R3HDM2: variants seen among roughly 807,000 people sequenced by gnomAD.
The protein encoded by R3HDM2 is R3H domain containing 2.
A neutral mutation model predicts 124.5 loss-of-function variants in R3HDM2; 38 were observed. That is an observed-to-expected ratio of 0.31 (90% CI 0.24 to 0.40). R3HDM2 has a LOEUF of 0.40. Ranked by LOEUF, R3HDM2 falls within the 10% of genes least tolerant of loss-of-function variation. The probability of loss-of-function intolerance (pLI) is 1.00; values close to 1 mark genes in which losing one functional copy is unlikely to be tolerated. For synonymous variants in R3HDM2, 391 were observed against 448.0 expected (o/e 0.87, Z 1.61); for missense variants, 869 against 1,236.9 (o/e 0.70, Z 4.46).
chr12:57,395,196 C>A (rs1410253157), intron 2 of R3HDM2, among the ~76,000 whole-genome samples: 4 of 150,578 alleles, frequency 2.7e-5, no homozygotes, highest in African/African-American at 9.8e-5. Flanking sequence ...GGGCAAGACT[C>A]CGTTTCAAAA....
At chr12:57,428,502 T>TGGTGGGGGGC (rs1868560786) in intron 1 of R3HDM2, among the ~76,000 whole-genome samples, 4 of 33,746 alleles carry the variant, frequency 1.2e-4, no homozygotes, top group Admixed American at 7.7e-4. Flanking sequence ...TGGTGGGGGG[T>TGGTGGGGGGC]GTGGTGGGGG....
intron 14 of R3HDM2, among the ~76,000 whole-genome samples, chr12:57,273,792 G>T (rs529862867): frequency 2.6e-5 from 4 of 152,244 alleles, no homozygotes; most frequent in African/African-American, 9.6e-5. Context: ...TGGGGCCATG[G>T]TATCAATATC....
chr12:57,270,025 G>A (rs1270832285), intron 14 of R3HDM2, 31 bp from the exon 15 acceptor site: 1 of 1,611,574 alleles, frequency 6.2e-7, no homozygotes, highest in Non-Finnish European at 8.5e-7. Flanking sequence ...ACAGGATTGG[G>A]GCTGTATCAA....
intron 12 of R3HDM2, among the ~76,000 whole-genome samples, chr12:57,284,438 T>C (rs1565963113): frequency 6.6e-6 from 1 of 152,176 alleles, no homozygotes; most frequent in Non-Finnish European, 1.5e-5. Context: ...CTTCTGAAAG[T>C]TCTTAAAATA....
chr12:57,256,093 G>A lies in R3HDM2; in HGVS notation c.2548-19C>T, dbSNP rs116809825. 9.0e-4 allele frequency: 1,443 copies of A among 1,601,160 alleles called. 8 individuals are homozygous for A. The African/African-American group carries it at 0.017, about 19-fold the overall frequency. The stretch of plus-strand genomic sequence containing the variant: ...TCTGTCCCTTCAACATTTGAAAGAC[G>A]ACTCTCATCCCATGTAAACAACATT... On this transcript the variant is annotated intron_variant, in intron 22 of 23. Coordinates refer to ENST00000402412, the MANE Select transcript of R3HDM2 (RefSeq NM_001394031.1).
At chr12:57,425,406 C>T (rs958930096) in intron 1 of R3HDM2, among the ~76,000 whole-genome samples, 4 of 152,204 alleles carry the variant, frequency 2.6e-5, no homozygotes, top group Admixed American at 2.6e-4. Context: ...CTTGCACCTC[C>T]CATTAACTGT....
At chr12:57,293,643 G>C (rs748705876) in intron 10 of R3HDM2, among the ~76,000 whole-genome samples, 4 of 152,120 alleles carry the variant, frequency 2.6e-5, no homozygotes, top group Non-Finnish European at 4.4e-5. Context: ...TGAAGGCAAG[G>C]AGTTCTAAGG....
At chr12:57,370,216 A>C (rs1424617256) in intron 2 of R3HDM2, among the ~76,000 whole-genome samples, 1 of 152,082 alleles carries the variant, frequency 6.6e-6, no homozygotes, top group Admixed American at 6.5e-5. Context: ...TGATGGTTTT[A>C]ATACATAAGC....
At chr12:57,275,419 C>T (rs2137654012) in intron 14 of R3HDM2, among the ~76,000 whole-genome samples, 1 of 150,716 alleles carries the variant, frequency 6.6e-6, no homozygotes, top group Non-Finnish European at 1.5e-5. Flanking sequence ...GCAACGATTT[C>T]ATGACCAAGA....
At chr12:57,375,849 T>C (rs1377347274) in intron 2 of R3HDM2, among the ~76,000 whole-genome samples, 3 of 152,112 alleles carry the variant, frequency 2.0e-5, no homozygotes, top group Non-Finnish European at 4.4e-5. Flanking sequence ...ATATTTTGTA[T>C]TTTTAGTAGA....
chr12:57,361,375 C>CAA (rs71084747), intron 2 of R3HDM2, among the ~76,000 whole-genome samples: 13 of 57,336 alleles, frequency 2.3e-4, no homozygotes, highest in East Asian at 2.0e-3. Flanking sequence ...AACTCTGTCT[C>CAA]AAAAAAAAAA....
chr12:57,360,708 G>A (rs75927231), intron 2 of R3HDM2, among the ~76,000 whole-genome samples: 7,309 of 151,024 alleles, frequency 0.048, 227 homozygotes, highest in Non-Finnish European at 0.068. Context: ...GAAAGGAAAG[G>A]AAGAAAAAAA....
Position 57,295,327 on chromosome 12 carries a change from A to G in R3HDM2, c.810+72T>C, listed in dbSNP as rs961800006. The G allele has an allele frequency of 2.9e-6, 3 of 1,049,400 alleles. No homozygotes were observed. In the African/African-American group the frequency reaches 4.8e-5, roughly 17 times the overall value. The allele number at this position is 1,049,400 out of a possible 1,614,324, so 65.0% of individuals were successfully genotyped here. A position where few individuals can be genotyped will look rare whatever the true frequency, so the allele number is the denominator to read the frequency against. Reference sequence around the variant, plus strand: ...TATTTTGAGTTTTCTCCATCCCACAAAAATTCTTCTCCCTTCCCAGTTTCT... The same window carrying G: ...TATTTTGAGTTTTCTCCATCCCACAGAAATTCTTCTCCCTTCCCAGTTTCT... On this transcript the variant is annotated intron_variant, in intron 10 of 23. Transcript: ENST00000402412.
intron 2 of R3HDM2, among the ~76,000 whole-genome samples, chr12:57,379,686 T>C (rs1479718026): frequency 1.3e-5 from 2 of 152,020 alleles, no homozygotes; most frequent in Non-Finnish European, 2.9e-5. Flanking sequence ...TCTGACACAA[T>C]GATTAAGTAT....
rs138958585 is a variant in R3HDM2 at position 57,336,666 on chromosome 12, C to T, written c.-35-26203G>A. ...CAATACACACTGGGGTCTACATGAG[C>T]GGGGAGGGTGACAGGAGGGAGAGGA... is the stretch of plus-strand genomic sequence containing the variant. On this transcript the variant is annotated intron_variant, in intron 2 of 23. Transcript: ENST00000402412. Among the ~76,000 whole-genome samples, 312 of 152,052 alleles carry T rather than the reference C, an allele frequency of 2.1e-3. 3 individuals carry two copies. The highest frequency in any genetic ancestry group is 0.017 in the Middle Eastern group (5 of 292).
intron 1 of R3HDM2, among the ~76,000 whole-genome samples, chr12:57,415,063 C>A (rs2069436183): frequency 6.6e-6 from 1 of 152,008 alleles, no homozygotes; most frequent in Admixed American, 6.6e-5. Flanking sequence ...CTCCCTCAAG[C>A]CCCTTCGAAT....
At chr12:57,268,850 T>C in intron 17 of R3HDM2, 72 bp downstream of exon 17, 1 of 1,523,214 alleles carries the variant, frequency 6.6e-7, no homozygotes, top group Non-Finnish European at 8.9e-7. Flanking sequence ...TTAGTATGGA[T>C]GACCCTGGGA....
chr12:57,318,241 G>A (rs553283270), intron 2 of R3HDM2, among the ~76,000 whole-genome samples: 2 of 151,798 alleles, frequency 1.3e-5, no homozygotes, highest in African/African-American at 2.4e-5. Flanking sequence ...GCGGGCAACC[G>A]AGATCATACT....
At chr12:57,383,921 T>A (rs919265464) in intron 2 of R3HDM2, among the ~76,000 whole-genome samples, 3 of 152,006 alleles carry the variant, frequency 2.0e-5, no homozygotes, top group Non-Finnish European at 4.4e-5. Context: ...AAGTAAAAAC[T>A]GTATTATGTT....
Sources: gnomAD v4.1 joint callset for allele counts (sites outside exome capture counted in the v4.1 genomes callset) on GRCh38, gnomAD v4.1.1 for gene constraint, MANE v1.5 for transcripts, NCBI Gene and HGNC (gene_info 2026-07-23, HGNC 2026-07-21) for gene names.